The following GOT1 variants were observed in gnomAD, a reference collection of about 807,000 sequenced individuals.
GOT1 encodes glutamic-oxaloacetic transaminase 1, also known as aspartate aminotransferase, cytoplasmic.
Under a neutral mutation model 48.2 loss-of-function variants are expected in GOT1, and 25 were observed. The ratio of observed to expected loss-of-function variants is 0.52; its 90% CI spans 0.38 to 0.72. The LOEUF (loss-of-function observed/expected upper bound fraction) is 0.72, where lower values mean the gene tolerates loss of function less well. GOT1 is among the 30% of genes least tolerant of loss of function. The pLI, the probability that GOT1 is intolerant of heterozygous loss-of-function variation, is 0.00. For missense variants in GOT1, 380 were observed against 520.1 expected (o/e 0.73, Z 2.62); for synonymous variants, 188 against 193.8 (o/e 0.97, Z 0.25).
At chr10:99,422,517 A>C (rs896837907) in intron 1 of GOT1, among the ~76,000 whole-genome samples, 1 of 152,156 alleles carries the variant, frequency 6.6e-6, no homozygotes, top group Non-Finnish European at 1.5e-5. Context: ...GAATTTCAAC[A>C]TGCTTTTTTC....
At chr10:99,413,466 G>T (rs1193850492) in intron 2 of GOT1, among the ~76,000 whole-genome samples, 6 of 152,194 alleles carry the variant, frequency 3.9e-5, no homozygotes, top group Non-Finnish European at 8.8e-5. Flanking sequence ...ACATCTGATT[G>T]GTGTACCTGA....
intron 4 of GOT1, 30 bp from the exon 5 acceptor site, chr10:99,405,890 A>T (rs2032748798): frequency 1.6e-6 from 2 of 1,219,734 alleles, no homozygotes; most frequent in Non-Finnish European, 2.4e-6. Context: ...GTCAGCTCTG[A>T]CACTGATGGG....
intron 2 of GOT1, 106 bp downstream of exon 2, chr10:99,420,518 T>G: frequency 1.2e-6 from 1 of 808,754 alleles, no homozygotes; most frequent in South Asian, 1.8e-5. Flanking sequence ...ACTTATTCAT[T>G]GGCAGTTCAA....
intron 3 of GOT1, 135 bp from the exon 4 acceptor site, chr10:99,406,384 T>C: frequency 3.0e-6 from 2 of 672,714 alleles, no homozygotes; most frequent in East Asian, 2.6e-5. Flanking sequence ...GGTTAAGATG[T>C]AGAGGAATGA....
chr10:99,408,598 A>G (rs1486342176), intron 2 of GOT1, among the ~76,000 whole-genome samples: 1 of 152,178 alleles, frequency 6.6e-6, no homozygotes, highest in East Asian at 1.9e-4. Flanking sequence ...ACACACCTGT[A>G]ATCTCAGCTA....
chr10:99,401,393 G>A (rs2032675581), intron 8 of GOT1, among the ~76,000 whole-genome samples: 1 of 152,018 alleles, frequency 6.6e-6, no homozygotes, highest in Non-Finnish European at 1.5e-5. Flanking sequence ...CTTCACACTG[G>A]CACTGTGATG....
intron 2 of GOT1, among the ~76,000 whole-genome samples, chr10:99,407,253 T>G (rs1432260231): frequency 6.6e-6 from 1 of 152,060 alleles, no homozygotes; most frequent in Non-Finnish European, 1.5e-5. Flanking sequence ...TCAGCACCCA[T>G]CCTAAGATCA....
intron 2 of GOT1, among the ~76,000 whole-genome samples, chr10:99,410,664 A>C (rs984666595): frequency 6.6e-6 from 1 of 152,252 alleles, no homozygotes; most frequent in Admixed American, 6.5e-5. Flanking sequence ...AAGTTGCTCT[A>C]AACATCAGCA....
At chr10:99,398,439 G>A (rs1423357970) in intron 8 of GOT1, among the ~76,000 whole-genome samples, 1 of 152,224 alleles carries the variant, frequency 6.6e-6, no homozygotes, top group Non-Finnish European at 1.5e-5. Context: ...GGAGGCTGAG[G>A]CTGGTGGATT....
In GOT1 at chr10:99,397,447, C is replaced by CA; in HGVS notation, c.*99dup. ...TCACCAGAGCAGCCTTTCAGTCCTG[C>CA]AAGTGTCTCTAATCCATGGTATGTA... is the stretch of plus-strand genomic sequence containing the variant. On this transcript the variant is annotated 3_prime_UTR_variant, in exon 9 of 9. Coordinates refer to ENST00000370508, the MANE Select transcript of GOT1 (RefSeq NM_002079.3). The surrounding 1 kb of genome is among the most constrained non-coding windows in gnomAD (Gnocchi z 5.4). The CA allele has an allele frequency of 7.8e-7, 1 of 1,283,408 alleles. No individual in the cohort carries two copies. The highest frequency in any genetic ancestry group is 1.1e-6 in the Non-Finnish European group (1 of 891,256). The allele number at this position is 1,283,408 out of a possible 1,614,324, so 79.5% of individuals were successfully genotyped here. A position where few individuals can be genotyped will look rare whatever the true frequency, so the allele number is the denominator to read the frequency against.
chr10:99,407,986 C>T (rs887618707), intron 2 of GOT1, among the ~76,000 whole-genome samples: 15 of 152,108 alleles, frequency 9.9e-5, no homozygotes, highest in African/African-American at 3.4e-4. Context: ...GATAGGCCCC[C>T]GTGTGTGATG....
At chr10:99,426,127 TG>T (rs950689891) in intron 1 of GOT1, among the ~76,000 whole-genome samples, 1 of 152,104 alleles carries the variant, frequency 6.6e-6, no homozygotes, top group African/African-American at 2.4e-5. Flanking sequence ...TGGATCCATG[TG>T]CTTTTTTAAA....
In GOT1 at chr10:99,397,504, T is replaced by C. The variant is rs371897660; in HGVS notation, c.*43A>G. The C allele has an allele frequency of 1.3e-5, 21 of 1,605,858 alleles. No homozygotes were observed. Among genetic ancestry groups the C allele is most frequent in the Non-Finnish European group, 1.8e-5 (21 of 1,173,822 alleles). ...GGTTTGTGCAGGCAGGGAACACACA[T>C]GACAGAGAACTACTTTGGTGGTACT... On this transcript the variant is annotated 3_prime_UTR_variant, in exon 9 of 9. Transcript: ENST00000370508. The surrounding 1 kb of genome is among the most constrained non-coding windows in gnomAD (Gnocchi z 5.4).
chr10:99,403,922 A>T, intron 5 of GOT1, 48 bp from the exon 6 acceptor site: 1 of 1,587,504 alleles, frequency 6.3e-7, no homozygotes. Context: ...TCTGGCACCA[A>T]CCTCAGACAC....
At chr10:99,418,730 T>C (rs527886123) in intron 2 of GOT1, among the ~76,000 whole-genome samples, 196 of 152,242 alleles carry the variant, frequency 1.3e-3, no homozygotes, top group African/African-American at 4.4e-3. Flanking sequence ...CTTGAACTCC[T>C]GAGCTCAAGT....
chr10:99,407,901 G>A (rs537112164), intron 2 of GOT1, among the ~76,000 whole-genome samples: 82 of 151,958 alleles, frequency 5.4e-4, no homozygotes, highest in Non-Finnish European at 8.1e-4. Context: ...CCATCAACCC[G>A]TCATCTAGGT....
At chr10:99,424,696 G>A (rs2033015165) in intron 1 of GOT1, among the ~76,000 whole-genome samples, 1 of 152,132 alleles carries the variant, frequency 6.6e-6, no homozygotes, top group Non-Finnish European at 1.5e-5. Flanking sequence ...ACTACTACTT[G>A]GGTTGGGGAT....
At chr10:99,401,487 G>A (rs776035148) in intron 8 of GOT1, among the ~76,000 whole-genome samples, 2 of 152,054 alleles carry the variant, frequency 1.3e-5, no homozygotes, top group Non-Finnish European at 2.9e-5. Context: ...GAGTCACTGG[G>A]ACACACAGGT....
chr10:99,423,056 A>G (rs998401334), intron 1 of GOT1, among the ~76,000 whole-genome samples: 1 of 152,240 alleles, frequency 6.6e-6, no homozygotes, highest in African/African-American at 2.4e-5. Context: ...ATTTTGACAA[A>G]TATTTCCAAA....
Sources: allele counts gnomAD v4.1 joint callset (sites outside exome capture counted in the v4.1 genomes callset), GRCh38; gene constraint gnomAD v4.1.1; non-coding constraint Gnocchi (gnomAD v3.1); transcripts MANE v1.5; gene names NCBI Gene and HGNC (gene_info 2026-07-23, HGNC 2026-07-21).